Variants in TDO2 observed in about 807,000 individuals in gnomAD.
The protein encoded by TDO2 is tryptamin 2,3-dioxygenase.
In TDO2, 63 loss-of-function variants were observed where a neutral mutation model predicts 61.2. The ratio of observed to expected loss-of-function variants is 1.03; its 90% CI spans 0.84 to 1.27. The LOEUF (loss-of-function observed/expected upper bound fraction) is 1.27, where lower values mean the gene tolerates loss of function less well. TDO2 is among the 50% of genes most tolerant of loss of function. TDO2 has a pLI of 0.00. For missense variants in TDO2, 494 were observed against 469.5 expected, an observed-to-expected ratio of 1.05 and a Z score of -0.48; for synonymous variants, 183 against 164.0, an observed-to-expected ratio of 1.12 and a Z score of -0.89.
chr4:155,911,937 C>T (rs776135302), intron 7 of TDO2, among the ~76,000 whole-genome samples: 9 of 152,122 alleles, frequency 5.9e-5, no homozygotes, highest in Non-Finnish European at 1.0e-4. Context: ...ATCTATTTAG[C>T]CCTGTAGCTT....
chr4:155,903,947 A>C, intron 1 of TDO2, 71 bp from the exon 2 acceptor site: 1 of 1,486,434 alleles, frequency 6.7e-7, no homozygotes, highest in Non-Finnish European at 9.3e-7. Flanking sequence ...GAGAATTTTA[A>C]TCACCCATAT....
Position 155,918,243 on chromosome 4 carries a change from G to A in TDO2, c.1067+4G>A, listed in dbSNP as rs1203232321. 6.2e-7 allele frequency: 1 copy of A among 1,613,708 alleles called. No homozygotes were observed. Among genetic ancestry groups the A allele is most frequent in the East Asian group, 2.2e-5 (1 of 44,890 alleles). On this transcript the variant is annotated splice_donor_region_variant and intron_variant, in intron 11 of 11. Coordinates refer to ENST00000536354, the MANE Select transcript of TDO2 (RefSeq NM_005651.4). ...ACTACCTGCGATCAACTGTGAGGTA[G>A]GTGGGGAAATTCTCCTTTCTTCCTG...
At chr4:155,906,946 C>G (rs1742728889) in intron 3 of TDO2, 1 of 152,198 alleles carries the variant, frequency 6.6e-6, no homozygotes, top group African/African-American at 2.4e-5. Flanking sequence ...CATGTCATTA[C>G]TGTATCACTT....
chr4:155,908,977 C>G lies in TDO2; in HGVS notation c.394C>G (p.Leu132Val), dbSNP rs1347250097. 1.9e-6 allele frequency: 3 copies of G among 1,612,774 alleles called. No homozygotes were observed. The highest frequency in any genetic ancestry group is 2.5e-6 in the Non-Finnish European group (3 of 1,179,662). The stretch of plus-strand genomic sequence containing the variant: ...ACTGCTGGTGCAGCAGTTTTCCATT[C>G]TGGAGACGATGACAGCCTTGGACTT... The part of the protein sequence containing the change: ...LKLLVQQFSI[L>V]ETMTALDFND... Residue 132 changes from leucine to valine, a missense_variant, in exon 5 of 12, where the codon CTG (leucine) becomes GTG (valine). Physicochemically the swap from Leu to Val is conservative, Grantham distance 32. Transcript: ENST00000536354.
chr4:155,911,703 A>G (rs983726252), intron 7 of TDO2, 99 bp downstream of exon 7: 166 of 782,928 alleles, frequency 2.1e-4, no homozygotes, highest in Non-Finnish European at 3.0e-4. Context: ...TCTCTTTCTC[A>G]TATTTTTTTC....
At chr4:155,903,936 T>A in intron 1 of TDO2, 82 bp from the exon 2 acceptor site, 5 of 1,499,074 alleles carry the variant, frequency 3.3e-6, no homozygotes, top group Non-Finnish European at 1.8e-6. Context: ...AAATTTGCAA[T>A]GAGAATTTTA....
chr4:155,916,282 C>T (rs2110883058), intron 9 of TDO2, among the ~76,000 whole-genome samples: 1 of 146,210 alleles, frequency 6.8e-6, no homozygotes, highest in South Asian at 2.3e-4. Context: ...ACTCTCCTGC[C>T]TCAGCCTCCC....
At chr4:155,911,386 T>C (rs559890157) in intron 6 of TDO2, 111 bp from the exon 7 acceptor site, 4 of 644,396 alleles carry the variant, frequency 6.2e-6, no homozygotes, top group Admixed American at 3.4e-5. Context: ...ACTTGTAGCA[T>C]ATGTTTCTGG....
Position 155,911,898 on chromosome 4 carries a change from A to G in TDO2, c.726+294A>G, listed in dbSNP as rs558788658. Among the ~76,000 whole-genome samples, 7 of 152,284 alleles carry G rather than the reference A, an allele frequency of 4.6e-5. No individual in the cohort carries two copies. In the South Asian group the frequency reaches 1.4e-3, roughly 32 times the overall value. ...TATATTAGAACCAATTTTAGACAGA[A>G]CTAGGCCCACAGTGGACTAACGAAC... On this transcript the variant is annotated intron_variant, in intron 7 of 11. Coordinates refer to ENST00000536354, the MANE Select transcript of TDO2 (RefSeq NM_005651.4).
intron 3 of TDO2, 114 bp from the exon 4 acceptor site, chr4:155,907,608 G>T: frequency 1.5e-6 from 1 of 681,022 alleles, no homozygotes; most frequent in South Asian, 1.9e-5. Context: ...TACATTTATT[G>T]ATTTTAAGGT....
Position 155,907,714 on chromosome 4 carries a change from T to C in TDO2, c.233-8T>C, listed in dbSNP as rs1307180729. On this transcript the variant is annotated splice_polypyrimidine_tract_variant and splice_region_variant and intron_variant, in intron 3 of 11. Transcript: ENST00000536354. Reference sequence around the variant, plus strand: ...ACTTTCCAACTGACAATGATTTCCTTATTACAGCTTATGAACTCTGGTTTA... The same window carrying C: ...ACTTTCCAACTGACAATGATTTCCTCATTACAGCTTATGAACTCTGGTTTA... 1 of 1,608,110 alleles carries C rather than the reference T, an allele frequency of 6.2e-7. No homozygotes were observed. The highest frequency in any genetic ancestry group is 1.3e-5 in the African/African-American group (1 of 74,670).
chr4:155,911,955 G>T (rs2110875471), intron 7 of TDO2, among the ~76,000 whole-genome samples: 1 of 152,186 alleles, frequency 6.6e-6, no homozygotes, highest in African/African-American at 2.4e-5. Context: ...CTTTGCTTTT[G>T]CTCTTGTATA....
intron 11 of TDO2, chr4:155,918,775 T>C (rs534601165): frequency 6.6e-6 from 1 of 152,638 alleles, no homozygotes; most frequent in Non-Finnish European, 1.5e-5. Flanking sequence ...GGGATGTACA[T>C]TCTTATTTTG....
rs1346732750 is a variant in TDO2 at position 155,904,024 on chromosome 4, T to G, written c.42T>G (p.Thr14=). The change falls in exon 2 of 12, where the codon ACT becomes ACG. Residue 14 remains threonine (T), a synonymous_variant. Coordinates refer to ENST00000536354, the MANE Select transcript of TDO2 (RefSeq NM_005651.4). ...TGATTTATTAAATTTGCAGATATAC[T>G]TTTAAAAAACTCCCCGTAGAAGGCA... is the stretch of plus-strand genomic sequence containing the variant. ...CPFLGNNFGY[T]FKKLPVEGSE... 4.3e-6 allele frequency: 7 copies of G among 1,613,792 alleles called. No individual in the cohort carries two copies. Among genetic ancestry groups the G allele is most frequent in the Non-Finnish European group, 5.9e-6 (7 of 1,179,844 alleles).
At chr4:155,912,123 T>C (rs1414520865) in intron 7 of TDO2, among the ~76,000 whole-genome samples, 2 of 152,170 alleles carry the variant, frequency 1.3e-5, no homozygotes, top group African/African-American at 2.4e-5. Flanking sequence ...TCTTGAGAGG[T>C]TGCATCAGGT....
intron 9 of TDO2, among the ~76,000 whole-genome samples, chr4:155,917,060 C>T (rs1218390187): frequency 6.6e-6 from 1 of 152,084 alleles, no homozygotes; most frequent in African/African-American, 2.4e-5. Context: ...ATATCTTTGC[C>T]TAGAAGTGTT....
At chr4:155,910,803 T>G (rs1742815487) in intron 6 of TDO2, among the ~76,000 whole-genome samples, 1 of 152,164 alleles carries the variant, frequency 6.6e-6, no homozygotes, top group Non-Finnish European at 1.5e-5. Flanking sequence ...TGAATTATAC[T>G]CTGCTCATTA....
chr4:155,909,957 C>T (rs1742799703), intron 5 of TDO2, 68 bp from the exon 6 acceptor site: 3 of 234,284 alleles, frequency 1.3e-5, no homozygotes, highest in Non-Finnish European at 2.1e-5. Context: ...CCCCCTTTCT[C>T]TTCTCTGCTC....
intron 5 of TDO2, 52 bp downstream of exon 5, chr4:155,909,066 T>C (rs1050966264): frequency 4.6e-6 from 7 of 1,525,908 alleles, no homozygotes; most frequent in Non-Finnish European, 6.1e-6. Context: ...TTTCTCATTT[T>C]GGTGGGGTAA....
Sources: gnomAD v4.1 joint callset for allele counts (sites outside exome capture counted in the v4.1 genomes callset) on GRCh38, gnomAD v4.1.1 for gene constraint, MANE v1.5 for transcripts, NCBI Gene and HGNC (gene_info 2026-07-23, HGNC 2026-07-21) for gene names.